The following RYR3 variants were observed in gnomAD, a reference collection of about 807,000 sequenced individuals.
The protein encoded by RYR3 is brain ryanodine receptor-calcium release channel.
Under a neutral mutation model 584.3 loss-of-function variants are expected in RYR3, and 207 were observed. The ratio of observed to expected loss-of-function variants is 0.35; its 90% confidence interval spans 0.32 to 0.40. The LOEUF is 0.40. Among genes scored for constraint, RYR3 ranks in the 10% least tolerant of loss-of-function variants. The pLI, the probability that RYR3 is intolerant of heterozygous loss-of-function variation, is 1.00. For missense variants in RYR3, 5,616 were observed against 6,089.2 expected (o/e 0.92, Z 2.59); for synonymous variants, 2,416 against 2,248.5 (o/e 1.07, Z -2.11).
At chr15:33,403,995 T>C (rs998747749) in intron 1 of RYR3, among the ~76,000 whole-genome samples, 17 of 152,218 alleles carry the variant, frequency 1.1e-4, no homozygotes, top group South Asian at 2.1e-4. Flanking sequence ...AATTGAAAGA[T>C]AAACAGTTGT....
intron 48 of RYR3, 52 bp from the exon 49 acceptor site, chr15:33,736,183 T>C: frequency 1.7e-6 from 2 of 1,193,390 alleles, no homozygotes; most frequent in South Asian, 2.6e-5. Flanking sequence ...CATTCCTCCT[T>C]TATTATTATG....
intron 5 of RYR3, among the ~76,000 whole-genome samples, chr15:33,534,735 G>T (rs554470901): frequency 1.8e-4 from 27 of 152,296 alleles, no homozygotes; most frequent in African/African-American, 6.5e-4. Flanking sequence ...TTGAAAGGAG[G>T]CACATTTCAC....
rs139366224 is a variant in RYR3, at chr15:33,698,070, C to T, written c.6249+74C>T. 103 of 997,976 alleles carry T rather than the reference C, an allele frequency of 1.0e-4. 2 individuals are homozygous for T. Among genetic ancestry groups the T allele is most frequent in the African/African-American group, 1.7e-4 (11 of 63,358 alleles). 61.8% of individuals were successfully genotyped at this position (997,976 alleles called of 1,614,324 possible). A position where few individuals can be genotyped will look rare whatever the true frequency, so the allele number is the denominator to read the frequency against. On this transcript the variant is annotated intron_variant, in intron 40 of 103. Transcript: ENST00000634891. ...GCACGAGGTGACTTGTTCAGAGCCA[C>T]GTGGCTGGTGTCCCTTGCCTCAGTT...
At chr15:33,479,205 G>A (rs1359948956) in intron 2 of RYR3, among the ~76,000 whole-genome samples, 1 of 152,132 alleles carries the variant, frequency 6.6e-6, no homozygotes, top group African/African-American at 2.4e-5. Flanking sequence ...CATAAATTAA[G>A]ATTGCATCTT....
At chr15:33,697,439 G>A (rs2065928035) in intron 39 of RYR3, among the ~76,000 whole-genome samples, 1 of 152,162 alleles carries the variant, frequency 6.6e-6, no homozygotes, top group Non-Finnish European at 1.5e-5. Flanking sequence ...CCCAGCAAGG[G>A]AGTACACAGC....
At chr15:33,777,586 C>T (rs2074079226) in intron 64 of RYR3, among the ~76,000 whole-genome samples, 1 of 151,940 alleles carries the variant, frequency 6.6e-6, no homozygotes, top group African/African-American at 2.4e-5. Flanking sequence ...TAGAAAATGC[C>T]CTGTTGTGGA....
At chr15:33,796,980 A>G (rs771265501) in intron 67 of RYR3, among the ~76,000 whole-genome samples, 4 of 152,202 alleles carry the variant, frequency 2.6e-5, no homozygotes, top group Non-Finnish European at 5.9e-5. Context: ...ATTGGAGGCC[A>G]TTATCTTAAA....
intron 1 of RYR3, among the ~76,000 whole-genome samples, chr15:33,461,545 C>T (rs1427096624): frequency 1.3e-5 from 2 of 152,050 alleles, no homozygotes; most frequent in Non-Finnish European, 2.9e-5. Context: ...TCCATATGAT[C>T]GGTATTAGGG....
chr15:33,690,261 GCTCC>G (rs1340985067), intron 38 of RYR3, among the ~76,000 whole-genome samples: 2 of 152,148 alleles, frequency 1.3e-5, no homozygotes, highest in East Asian at 3.9e-4. Flanking sequence ...TACAAGCCTG[GCTCC>G]CTCCTTGCTT....
At chr15:33,729,639 A>G (rs560845484) in intron 47 of RYR3, among the ~76,000 whole-genome samples, 6 of 152,262 alleles carry the variant, frequency 3.9e-5, no homozygotes, top group African/African-American at 1.4e-4. Context: ...GTTCACCATC[A>G]ACAAACATCA....
At chr15:33,356,510 T>G (rs1023112700) in intron 1 of RYR3, among the ~76,000 whole-genome samples, 2 of 152,184 alleles carry the variant, frequency 1.3e-5, no homozygotes, top group African/African-American at 4.8e-5. Context: ...TCTATGGACA[T>G]AGTGGCACAG....
intron 1 of RYR3, among the ~76,000 whole-genome samples, chr15:33,397,446 C>T (rs2042367030): frequency 6.6e-6 from 1 of 152,156 alleles, no homozygotes. Flanking sequence ...TTTCAGGACA[C>T]AAAGACACAC....
chr15:33,314,468 A>G (rs1040182693), intron 1 of RYR3, among the ~76,000 whole-genome samples: 2 of 152,236 alleles, frequency 1.3e-5, no homozygotes. Context: ...TGAGAGTGCT[A>G]GGAGAAAACT....
At chr15:33,603,458 G>A in intron 18 of RYR3, 94 bp downstream of exon 18, 1 of 1,321,678 alleles carries the variant, frequency 7.6e-7, no homozygotes, top group South Asian at 1.5e-5. Context: ...CATTTGAAAT[G>A]ATACAGACTC....
chr15:33,487,598 T>A (rs2050568834), intron 2 of RYR3, among the ~76,000 whole-genome samples: 1 of 152,140 alleles, frequency 6.6e-6, no homozygotes. Flanking sequence ...ATGTTCAATC[T>A]TATGCACATA....
At chr15:33,580,854 G>A (rs1365868105) in intron 13 of RYR3, among the ~76,000 whole-genome samples, 1 of 152,212 alleles carries the variant, frequency 6.6e-6, no homozygotes, top group South Asian at 2.1e-4. Context: ...GATCTAACCA[G>A]ACTTTGGCCT....
chr15:33,794,099 TATATAA>T, intron 67 of RYR3, among the ~76,000 whole-genome samples: 1 of 133,578 alleles, frequency 7.5e-6, no homozygotes, highest in African/African-American at 2.9e-5. Context: ...TAATATATAT[TATATAA>T]ATATAATATA....
At chr15:33,669,862 G>GGT (rs2063730292) in intron 37 of RYR3, among the ~76,000 whole-genome samples, 1 of 43,536 alleles carries the variant, frequency 2.3e-5, no homozygotes, top group African/African-American at 7.1e-5. Flanking sequence ...GGGGGGGTGT[G>GGT]GGTGTGTGGG....
chr15:33,724,272 T>G, intron 45 of RYR3, 96 bp downstream of exon 45: 1 of 690,774 alleles, frequency 1.4e-6, no homozygotes, highest in Non-Finnish European at 2.4e-6. Flanking sequence ...TCTCTGGCAT[T>G]TGCTAACATG....
Sources: gnomAD v4.1 joint callset for allele counts (sites outside exome capture counted in the v4.1 genomes callset) on GRCh38, gnomAD v4.1.1 for gene constraint, MANE v1.5 for transcripts, NCBI Gene and HGNC (gene_info 2026-07-23, HGNC 2026-07-21) for gene names.